The following RRP15 variants were observed in gnomAD, a reference collection of about 807,000 sequenced individuals.
RRP15 encodes the protein ribosomal RNA processing 15 homolog.
RRP15 carries 18 observed loss-of-function variants against 27.1 expected under a neutral mutation model. The ratio of observed to expected loss-of-function variants is 0.66; its 90% CI spans 0.46 to 0.98. RRP15 has a LOEUF of 0.98. Ranked by LOEUF, RRP15 falls within the 50% of genes least tolerant of loss-of-function variation. RRP15 has a pLI of 0.00. For missense variants in RRP15, 359 were observed against 337.8 expected (o/e 1.06, Z -0.49); for synonymous variants, 107 against 109.4 (o/e 0.98, Z 0.14).
chr1:218,299,152 T>G (rs1655769587), intron 1 of RRP15, among the ~76,000 whole-genome samples: 1 of 152,218 alleles, frequency 6.6e-6, no homozygotes, highest in Non-Finnish European at 1.5e-5. Flanking sequence ...AATCCTATTT[T>G]TTTAGTATGC....
rs1387606233 is a variant in RRP15, at chr1:218,310,051, T to C, written c.705+2419T>C. Among the ~76,000 whole-genome samples, 4 of 152,304 alleles carry C rather than the reference T, an allele frequency of 2.6e-5. No individual in the cohort carries two copies. The South Asian group carries it at 6.2e-4, about 24-fold the overall frequency. Reference sequence around the variant, plus strand: ...GTGGCAAAGGTGAGCATAGATTTGATGTGCCAAAGTGCTATTCAGAAATGA... The same window carrying C: ...GTGGCAAAGGTGAGCATAGATTTGACGTGCCAAAGTGCTATTCAGAAATGA... On this transcript the variant is annotated intron_variant, in intron 4 of 4. Coordinates refer to ENST00000366932, the MANE Select transcript of RRP15 (RefSeq NM_016052.4).
intron 1 of RRP15, among the ~76,000 whole-genome samples, chr1:218,296,137 T>A (rs1260920975): frequency 6.6e-6 from 1 of 152,168 alleles, no homozygotes; most frequent in African/African-American, 2.4e-5. Flanking sequence ...AGAAATTTTT[T>A]AAATTCAAGC....
In RRP15 at chr1:218,289,468, G is replaced by A. The variant is rs530383680; in HGVS notation, c.139+4013G>A. 4.6e-5 allele frequency among the ~76,000 whole-genome samples: 7 copies of A among 152,186 alleles called. No homozygotes were observed. The East Asian group carries it at 7.7e-4, about 17-fold the overall frequency. ...GGTAAAATTCAAGATCAGTGATAAC[G>A]ATGTTGATAACAATTGATTGTGTCT... On this transcript the variant is annotated intron_variant, in intron 1 of 4. Coordinates refer to ENST00000366932, the MANE Select transcript of RRP15 (RefSeq NM_016052.4).
chr1:218,293,100 A>G (rs966870661), intron 1 of RRP15, among the ~76,000 whole-genome samples: 4 of 150,734 alleles, frequency 2.7e-5, no homozygotes, highest in Non-Finnish European at 5.9e-5. Flanking sequence ...ATCATAGCTC[A>G]CTGTAACCTC....
intron 4 of RRP15, among the ~76,000 whole-genome samples, chr1:218,316,903 A>G (rs1656097692): frequency 6.6e-6 from 1 of 152,220 alleles, no homozygotes; most frequent in African/African-American, 2.4e-5. Context: ...GATTAAAATT[A>G]TGTTTAGATT....
chr1:218,292,528 C>T (rs1336860157), intron 1 of RRP15, among the ~76,000 whole-genome samples: 1 of 151,972 alleles, frequency 6.6e-6, no homozygotes, highest in Non-Finnish European at 1.5e-5. Context: ...TAGGAGTGTG[C>T]ATGTAGGGAG....
chr1:218,312,373 C>T (rs1656008220), intron 4 of RRP15, among the ~76,000 whole-genome samples: 1 of 151,038 alleles, frequency 6.6e-6, no homozygotes, highest in Admixed American at 6.6e-5. Flanking sequence ...CTTCTCTATC[C>T]CCGTTCTTAA....
intron 1 of RRP15, among the ~76,000 whole-genome samples, chr1:218,300,221 T>A (rs1655788761): frequency 6.6e-6 from 1 of 152,178 alleles, no homozygotes; most frequent in Non-Finnish European, 1.5e-5. Flanking sequence ...CATTTTCTTT[T>A]ATACTGTTGG....
intron 4 of RRP15, among the ~76,000 whole-genome samples, chr1:218,311,809 G>A (rs986004452): frequency 3.9e-5 from 6 of 152,184 alleles, no homozygotes; most frequent in African/African-American, 7.2e-5. Context: ...ATGTTGGCCC[G>A]ATAGATGGCT....
intron 4 of RRP15, among the ~76,000 whole-genome samples, chr1:218,315,640 A>G (rs533968503): frequency 1.1e-4 from 17 of 148,596 alleles, no homozygotes; most frequent in African/African-American, 4.2e-4. Context: ...TTTAGTAGAG[A>G]TGGGGTTTTA....
chr1:218,285,702 T>A (rs1194519072), intron 1 of RRP15, among the ~76,000 whole-genome samples: 1 of 152,008 alleles, frequency 6.6e-6, no homozygotes, highest in African/African-American at 2.4e-5. Context: ...TTATTAATTA[T>A]AATAAAATGG....
At position 218,285,410 on chromosome 1, in the gene RRP15, G is replaced by T. The variant is rs777699031; in HGVS notation, c.94G>T (p.Ala32Ser). The change falls in exon 1 of 5, where the codon GCG (alanine) becomes TCG (serine). Residue 32 changes from alanine to serine, a missense_variant. Coordinates refer to ENST00000366932, the MANE Select transcript of RRP15 (RefSeq NM_016052.4). ...KKMKMVTGAVASVLEDEATDT... is the reference protein window; with the variant it reads ...KKMKMVTGAVSSVLEDEATDT... ...GATGAAAATGGTAACTGGAGCCGTAGCGTCGGTGCTGGAAGACGAGGCCAC... is the reference window on the plus strand; with the variant it reads ...GATGAAAATGGTAACTGGAGCCGTATCGTCGGTGCTGGAAGACGAGGCCAC... 9.9e-6 allele frequency: 16 copies of T among 1,614,086 alleles called. No homozygotes were observed. The South Asian group carries it at 1.8e-4, about 18-fold the overall frequency.
intron 1 of RRP15, among the ~76,000 whole-genome samples, chr1:218,293,508 G>A (rs1655676734): frequency 6.6e-6 from 1 of 152,098 alleles, no homozygotes; most frequent in African/African-American, 2.4e-5. Flanking sequence ...GTACTGACTT[G>A]TTTTATCAGG....
intron 4 of RRP15, among the ~76,000 whole-genome samples, chr1:218,314,990 C>CAAAA (rs76826029): frequency 4.2e-4 from 26 of 61,366 alleles, no homozygotes; most frequent in East Asian, 1.9e-3. Flanking sequence ...GGCTCCATCT[C>CAAAA]AAAAAAAAAA....
At chr1:218,327,279 TAAAG>T (rs1404351003) in intron 4 of RRP15, among the ~76,000 whole-genome samples, 1 of 152,176 alleles carries the variant, frequency 6.6e-6, no homozygotes, top group Non-Finnish European at 1.5e-5. Context: ...GATTAGAATT[TAAAG>T]AGTCATTCTG....
chr1:218,308,472 G>A (rs1202101510), intron 4 of RRP15, among the ~76,000 whole-genome samples: 1 of 152,056 alleles, frequency 6.6e-6, no homozygotes, highest in African/African-American at 2.4e-5. Context: ...AGCAAAATAT[G>A]TAGTTATATT....
intron 3 of RRP15, among the ~76,000 whole-genome samples, chr1:218,307,030 T>C (rs1035228690): frequency 3.9e-5 from 6 of 152,222 alleles, no homozygotes; most frequent in Admixed American, 3.3e-4. Context: ...AACATAGTTT[T>C]TAAAATAAGT....
At chr1:218,316,541 C>T (rs1406491125) in intron 4 of RRP15, among the ~76,000 whole-genome samples, 1 of 152,102 alleles carries the variant, frequency 6.6e-6, no homozygotes, top group East Asian at 1.9e-4. Context: ...ATATATAACA[C>T]ATAGTACTAA....
chr1:218,285,407 G>A lies in RRP15; in HGVS notation c.91G>A (p.Val31Ile), dbSNP rs772196456. ...GAAGATGAAAATGGTAACTGGAGCC[G>A]TAGCGTCGGTGCTGGAAGACGAGGC... ...KKKMKMVTGA[V>I]ASVLEDEATD... Residue 31 changes from valine (V) to isoleucine (I), a missense_variant, in exon 1 of 5, where the codon GTA becomes ATA. By Grantham distance (29) the Val-to-Ile change is conservative (BLOSUM62 3). Transcript: ENST00000366932. The A allele has an allele frequency of 2.2e-5, 36 of 1,614,054 alleles. No homozygotes were observed. Among genetic ancestry groups the A allele is most frequent in the Non-Finnish European group, 3.1e-5 (36 of 1,180,026 alleles).
Sources: gnomAD v4.1 joint callset for allele counts (sites outside exome capture counted in the v4.1 genomes callset) on GRCh38, gnomAD v4.1.1 for gene constraint, MANE v1.5 for transcripts, NCBI Gene and HGNC (gene_info 2026-07-23, HGNC 2026-07-21) for gene names.